Variants in AP1B1 observed in about 807,000 individuals in gnomAD.
AP1B1 encodes the protein AP-1 complex subunit beta-1.
Under a neutral mutation model 104.3 loss-of-function variants are expected in AP1B1, and 36 were observed. The ratio of observed to expected loss-of-function variants is 0.35; its 90% CI spans 0.26 to 0.46. The LOEUF is 0.46. AP1B1 is among the 20% of genes least tolerant of loss of function. The pLI is 1.00. For synonymous variants in AP1B1, 504 were observed against 517.5 expected (o/e 0.97, Z 0.35); for missense variants, 901 against 1,247.9 (o/e 0.72, Z 4.19).
intron 5 of AP1B1, among the ~76,000 whole-genome samples, chr22:29,357,841 C>T (rs1053964293): frequency 6.6e-6 from 1 of 151,928 alleles, no homozygotes; most frequent in Non-Finnish European, 1.5e-5. Context: ...GCACATGCCA[C>T]CACACCCGGC....
In AP1B1 at chr22:29,331,455, T is replaced by A; in HGVS notation, c.2518A>T (p.Lys840Ter). ...PLHILFVEDG[K>*]MDRQMFLATW... ...GGGCTCCCTCATGACTCACCCATCT[T>A]CCCGTCCTCCACAAAGAGGATGTGC... Residue 840 changes from lysine (K) to a stop codon, truncating the protein, a stop_gained, in exon 19 of 23, where the codon AAG becomes TAG. Transcript: ENST00000357586. LOFTEE classifies it high-confidence loss of function. 6.2e-7 allele frequency: 1 copy of A among 1,614,096 alleles called. No homozygotes were observed. The highest frequency in any genetic ancestry group is 8.5e-7 in the Non-Finnish European group (1 of 1,179,994).
chr22:29,381,035 T>A (rs1333440378), intron 1 of AP1B1, among the ~76,000 whole-genome samples: 3 of 152,188 alleles, frequency 2.0e-5, no homozygotes, highest in Non-Finnish European at 4.4e-5. Flanking sequence ...CGCACAGGCC[T>A]CTTTACTGAT....
rs772406941 is a variant in AP1B1 at position 29,351,265 on chromosome 22, A to G, written c.1061T>C (p.Val354Ala). 1 of 1,614,140 alleles carries G rather than the reference A, an allele frequency of 6.2e-7. No individual in the cohort carries two copies. Among genetic ancestry groups the G allele is most frequent in the Non-Finnish European group, 8.5e-7 (1 of 1,180,022 alleles). ...RLASQANIAQ[V>A]LAELKEYATE... The stretch of plus-strand genomic sequence containing the variant: ...TGCGTACTCTTTCAGCTCTGCCAAC[A>G]CCTGTGGCCCAAACAGAAAAGATGG... The change falls in exon 9 of 23, where the codon GTG (valine) becomes GCG (alanine). Residue 354 changes from valine (V) to alanine (A), a missense_variant and splice_region_variant. Val to Ala is a moderately conservative substitution (Grantham distance 64). This residue lies in a region of AP1B1 where 471 missense variants were observed against 696.7 expected (regional missense o/e 0.68). Coordinates refer to ENST00000357586, the MANE Select transcript of AP1B1 (RefSeq NM_001127.4).
rs1602708495 is a variant in AP1B1, at chr22:29,341,647, T to C, written c.1650A>G (p.Glu550=). 1 of 1,614,228 alleles carries C rather than the reference T, an allele frequency of 6.2e-7. No individual in the cohort carries two copies. The highest frequency in any genetic ancestry group is 8.5e-7 in the Non-Finnish European group (1 of 1,180,036). ...GTGTGGGCTCGATGAGGTCCGTCTCTTCAGAGATGAGTGGCTTCTCAGCCA... is the reference window on the plus strand; with the variant it reads ...GTGTGGGCTCGATGAGGTCCGTCTCCTCAGAGATGAGTGGCTTCTCAGCCA... ...VVLAEKPLIS[E]ETDLIEPTLL... Residue 550 remains glutamate, a synonymous_variant, in exon 13 of 23, where the codon GAA becomes GAG. Transcript: ENST00000357586.
At chr22:29,384,925 T>C (rs1176130385) in intron 1 of AP1B1, among the ~76,000 whole-genome samples, 1 of 151,764 alleles carries the variant, frequency 6.6e-6, no homozygotes, top group East Asian at 1.9e-4. Context: ...CACAACCCAC[T>C]GTGACCCTTG....
intron 5 of AP1B1, 47 bp downstream of exon 5, chr22:29,358,679 C>T: frequency 1.3e-6 from 2 of 1,578,792 alleles, no homozygotes; most frequent in Non-Finnish European, 1.7e-6. Context: ...TCTTCCCAAG[C>T]AACCCAGGAG....
chr22:29,333,873 G>T (rs2147937893), intron 17 of AP1B1, among the ~76,000 whole-genome samples: 1 of 151,666 alleles, frequency 6.6e-6, no homozygotes, highest in South Asian at 2.1e-4. Context: ...AGACCAGCCT[G>T]GGCAAGATGG....
rs748229893 is a variant in AP1B1 at position 29,334,502 on chromosome 22, C to T, written c.2164-92G>A. The T allele has an allele frequency of 2.4e-4, 336 of 1,412,828 alleles. 1 individual carries two copies. Among genetic ancestry groups the T allele is most frequent in the Non-Finnish European group, 2.8e-4 (304 of 1,067,426 alleles). The allele number at this position is 1,412,828 out of a possible 1,614,324, so 87.5% of individuals were successfully genotyped here. On this transcript the variant is annotated intron_variant, in intron 16 of 22. Transcript: ENST00000357586. The stretch of plus-strand genomic sequence containing the variant: ...ACCTGAGGGTGCTTTTTCTCTCTCT[C>T]TCCTGCAGGGGCCTCCCAGATCCAG...
intron 13 of AP1B1, among the ~76,000 whole-genome samples, chr22:29,341,074 G>C (rs2061707596): frequency 6.6e-6 from 1 of 152,224 alleles, no homozygotes; most frequent in South Asian, 2.1e-4. Context: ...GGAGAGGGCC[G>C]CCTGCTTCTA....
rs372672584 is a variant in AP1B1 at position 29,331,430 on chromosome 22, G to A, written c.2524+19C>T. On this transcript the variant is annotated intron_variant, in intron 19 of 22. Coordinates refer to ENST00000357586, the MANE Select transcript of AP1B1 (RefSeq NM_001127.4). ...ACAGCCCCATTTCAGGCACCCCAGC[G>A]GGCTCCCTCATGACTCACCCATCTT... The A allele has an allele frequency of 8.1e-6, 13 of 1,613,428 alleles. No homozygotes were observed. In the East Asian group the frequency reaches 1.1e-4, roughly 14 times the overall value.
chr22:29,361,410 G>A (rs2062045037), intron 3 of AP1B1, among the ~76,000 whole-genome samples: 1 of 152,140 alleles, frequency 6.6e-6, no homozygotes, highest in Non-Finnish European at 1.5e-5. Flanking sequence ...GGTGAAAGTG[G>A]CCTGGATTTG....
intron 1 of AP1B1, chr22:29,370,570 C>T (rs2062218448): frequency 6.6e-6 from 1 of 152,122 alleles, no homozygotes; most frequent in African/African-American, 2.4e-5. Flanking sequence ...AAGAAAAAGC[C>T]GTCAGAGCCT....
At chr22:29,335,896 G>A (rs1247707367) in intron 16 of AP1B1, among the ~76,000 whole-genome samples, 1 of 152,208 alleles carries the variant, frequency 6.6e-6, no homozygotes, top group Non-Finnish European at 1.5e-5. Flanking sequence ...GGCTGAGAGA[G>A]TACGCAGAAG....
chr22:29,343,426 T>A (rs1216131739), intron 11 of AP1B1, among the ~76,000 whole-genome samples: 1 of 152,180 alleles, frequency 6.6e-6, no homozygotes, highest in African/African-American at 2.4e-5. Context: ...CACGTGGTCC[T>A]CCAATTCTGG....
intron 5 of AP1B1, among the ~76,000 whole-genome samples, chr22:29,357,401 T>G (rs2061975792): frequency 6.6e-6 from 1 of 152,132 alleles, no homozygotes; most frequent in South Asian, 2.1e-4. Flanking sequence ...AGTCTCACTG[T>G]GTTGCCCAGT....
In AP1B1 at chr22:29,328,807, C is replaced by A. The variant is rs377604350; in HGVS notation, c.*14G>T. The A allele has an allele frequency of 2.5e-6, 4 of 1,599,678 alleles. No individual in the cohort carries two copies. Among genetic ancestry groups the A allele is most frequent in the Middle Eastern group, 2.2e-4 (1 of 4,502 alleles). On this transcript the variant is annotated 3_prime_UTR_variant, in exon 23 of 23. Transcript: ENST00000357586. The surrounding 1 kb of genome is among the most constrained non-coding windows in gnomAD (Gnocchi z 4.1). ...GGGGCGGGCAGAAGGCTGGGGTGGG[C>A]GCTGGCCGGGGTCTCAGTTCTTGAG... is the stretch of plus-strand genomic sequence containing the variant.
chr22:29,359,806 C>A lies in AP1B1; in HGVS notation c.279+18G>T. On this transcript the variant is annotated intron_variant, in intron 4 of 22. Coordinates refer to ENST00000357586, the MANE Select transcript of AP1B1 (RefSeq NM_001127.4). ...CTTAAGCACCCAATGTCCCCACGCC[C>A]ACCAAGCGTCTGCTCACCTTCACAA... The A allele has an allele frequency of 1.9e-6, 3 of 1,608,906 alleles. No homozygotes were observed. Among genetic ancestry groups the A allele is most frequent in the South Asian group, 1.1e-5 (1 of 89,906 alleles).
Position 29,351,168 on chromosome 22 carries a change from C to T in AP1B1, c.1155+3G>A, listed in dbSNP as rs1283154752. The T allele has an allele frequency of 1.2e-5, 19 of 1,607,954 alleles. No individual in the cohort carries two copies. The highest frequency in any genetic ancestry group is 1.6e-5 in the Non-Finnish European group (19 of 1,175,120). The stretch of plus-strand genomic sequence containing the variant: ...AGCCAAGGACAGAGTCCCAGAGCCT[C>T]ACCTCCACCTTGATGGCGCAGCGGC... On this transcript the variant is annotated splice_donor_region_variant and intron_variant, in intron 9 of 22. Transcript: ENST00000357586.
chr22:29,368,482 C>T (rs990115983), intron 1 of AP1B1, among the ~76,000 whole-genome samples: 1 of 152,204 alleles, frequency 6.6e-6, no homozygotes, highest in Non-Finnish European at 1.5e-5. Flanking sequence ...AAGAATCTAT[C>T]ATTTACTGAG....
Sources: allele counts gnomAD v4.1 joint callset (sites outside exome capture counted in the v4.1 genomes callset), GRCh38; gene constraint gnomAD v4.1.1; regional missense constraint gnomAD v4.1.1; non-coding constraint Gnocchi (gnomAD v3.1); transcripts MANE v1.5; gene names NCBI Gene and HGNC (gene_info 2026-07-23, HGNC 2026-07-21).